ASIC2: variants seen among roughly 807,000 people sequenced by gnomAD.
ASIC2 encodes acid sensing ion channel subunit 2.
ASIC2 carries 25 observed loss-of-function variants against 57.3 expected under a neutral mutation model. The observed-to-expected ratio is 0.44, with a 90% CI of 0.32 to 0.61. The LOEUF is 0.61. ASIC2 is among the 20% of genes least tolerant of loss of function. The pLI is 0.06. For synonymous variants in ASIC2, 319 were observed against 307.5 expected (o/e 1.04, Z -0.39); for missense variants, 641 against 738.1 (o/e 0.87, Z 1.52).
chr17:33,596,923 A>T (rs1020706512), intron 1 of ASIC2, among the ~76,000 whole-genome samples: 2 of 152,222 alleles, frequency 1.3e-5, no homozygotes, highest in African/African-American at 2.4e-5. Context: ...ACTTGCACAA[A>T]GTCAAACAGC....
intron 1 of ASIC2, among the ~76,000 whole-genome samples, chr17:33,568,363 G>A (rs1018584357): frequency 2.6e-5 from 4 of 152,146 alleles, no homozygotes; most frequent in South Asian, 2.1e-4. Flanking sequence ...TTATATATCC[G>A]CTCATTGGAC....
chr17:33,318,042 G>A (rs987723084), intron 1 of ASIC2, among the ~76,000 whole-genome samples: 6 of 151,994 alleles, frequency 3.9e-5, no homozygotes, highest in Admixed American at 1.3e-4. Flanking sequence ...AAGAGCTGAC[G>A]GTCGCATTTG....
chr17:33,517,224 T>C (rs979913469), intron 1 of ASIC2, among the ~76,000 whole-genome samples: 16 of 152,302 alleles, frequency 1.1e-4, no homozygotes, highest in Admixed American at 9.8e-4. Context: ...CAAGTGATTC[T>C]CCTGCCTCAG....
chr17:33,751,387 G>T (rs748344433), intron 1 of ASIC2, among the ~76,000 whole-genome samples: 3 of 134,286 alleles, frequency 2.2e-5, no homozygotes, highest in Non-Finnish European at 5.5e-5. Context: ...TAAATGATGC[G>T]GCCACCTTCT....
At chr17:33,739,214 C>G (rs545649014) in intron 1 of ASIC2, among the ~76,000 whole-genome samples, 23 of 152,332 alleles carry the variant, frequency 1.5e-4, no homozygotes, top group African/African-American at 4.8e-4. Context: ...AAATCTGTGT[C>G]AGGCAAGAAC....
chr17:33,019,159 C>G (rs989018242), intron 7 of ASIC2, among the ~76,000 whole-genome samples: 23 of 151,970 alleles, frequency 1.5e-4, no homozygotes, highest in Non-Finnish European at 8.8e-5. Context: ...CAGTGTGAGT[C>G]TGTAGTGGTA....
At chr17:33,815,153 G>A (rs1209274292) in intron 1 of ASIC2, among the ~76,000 whole-genome samples, 4 of 152,134 alleles carry the variant, frequency 2.6e-5, no homozygotes, top group African/African-American at 9.7e-5. Context: ...GCCATCTCAG[G>A]CCTCAGTTCC....
intron 1 of ASIC2, among the ~76,000 whole-genome samples, chr17:33,853,987 A>T (rs1913845554): frequency 6.6e-6 from 1 of 152,206 alleles, no homozygotes; most frequent in Non-Finnish European, 1.5e-5. Context: ...AAAAGTTGAT[A>T]CATTTGCCCA....
chr17:33,078,747 T>G (rs1336809053), intron 3 of ASIC2, among the ~76,000 whole-genome samples: 4 of 152,208 alleles, frequency 2.6e-5, no homozygotes, highest in African/African-American at 9.6e-5. Context: ...CCTTACTCCA[T>G]GATTGATTGG....
intron 1 of ASIC2, among the ~76,000 whole-genome samples, chr17:33,855,404 C>T (rs1913896041): frequency 6.6e-6 from 1 of 152,166 alleles, no homozygotes; most frequent in Non-Finnish European, 1.5e-5. Flanking sequence ...TTTGCTTTCC[C>T]CAAGTCCCAC....
intron 1 of ASIC2, among the ~76,000 whole-genome samples, chr17:33,256,876 T>C (rs1909099845): frequency 6.6e-6 from 1 of 152,090 alleles, no homozygotes; most frequent in Non-Finnish European, 1.5e-5. Flanking sequence ...CCAGTTCCTG[T>C]TGGTTTTGGA....
intron 1 of ASIC2, among the ~76,000 whole-genome samples, chr17:33,229,314 T>G (rs1201005113): frequency 1.3e-5 from 2 of 152,198 alleles, no homozygotes; most frequent in Non-Finnish European, 2.9e-5. Flanking sequence ...ATCATTCATT[T>G]GTGTATTTAT....
At chr17:33,524,998 G>T (rs1914845324) in intron 1 of ASIC2, among the ~76,000 whole-genome samples, 1 of 152,144 alleles carries the variant, frequency 6.6e-6, no homozygotes, top group South Asian at 2.1e-4. Flanking sequence ...AGGTCCTTGT[G>T]ACCCTCAAAG....
intron 1 of ASIC2, among the ~76,000 whole-genome samples, chr17:33,275,233 C>T (rs567810221): frequency 6.6e-6 from 1 of 152,274 alleles, no homozygotes; most frequent in African/African-American, 2.4e-5. Flanking sequence ...CCCCGCCTCC[C>T]ACACAATTCC....
At chr17:33,473,909 C>T (rs1597741613) in intron 1 of ASIC2, among the ~76,000 whole-genome samples, 1 of 152,072 alleles carries the variant, frequency 6.6e-6, no homozygotes, top group East Asian at 1.9e-4. Context: ...TTCATTAATA[C>T]CATTTTAAAA....
chr17:33,183,752 G>T (rs1333644331), intron 1 of ASIC2, among the ~76,000 whole-genome samples: 1 of 152,198 alleles, frequency 6.6e-6, no homozygotes, highest in African/African-American at 2.4e-5. Context: ...CACCCTCTTG[G>T]TCTATTTTCC....
At chr17:33,779,967 C>CTTTT (rs759850922) in intron 1 of ASIC2, among the ~76,000 whole-genome samples, 9,764 of 85,050 alleles carry the variant, frequency 0.11, 1,413 homozygotes, top group East Asian at 0.2. Context: ...CTACAGAAGC[C>CTTTT]TTTTTTTTTT....
chr17:33,209,935 T>C (rs916395545), intron 1 of ASIC2, among the ~76,000 whole-genome samples: 9 of 152,124 alleles, frequency 5.9e-5, no homozygotes, highest in Admixed American at 5.2e-4. Context: ...TATGTCCAAA[T>C]AGGGAACAAC....
chr17:33,230,712 G>C (rs915503181), intron 1 of ASIC2, among the ~76,000 whole-genome samples: 1 of 152,016 alleles, frequency 6.6e-6, no homozygotes, highest in Non-Finnish European at 1.5e-5. Flanking sequence ...GGGTAAGAAG[G>C]GGGGTAAGAG....
Sources: allele counts gnomAD v4.1 joint callset (sites outside exome capture counted in the v4.1 genomes callset), GRCh38; gene constraint gnomAD v4.1.1; transcripts MANE v1.5; gene names NCBI Gene and HGNC (gene_info 2026-07-23, HGNC 2026-07-21).